The following OTUD7A variants were observed in gnomAD, a reference collection of about 807,000 sequenced individuals.
OTUD7A encodes the protein OTU deubiquitinase 7A.
In OTUD7A, 12 loss-of-function variants were observed where a neutral mutation model predicts 65.7. The observed-to-expected ratio is 0.18, with a 90% CI of 0.12 to 0.30. OTUD7A has a LOEUF of 0.30. OTUD7A is among the 10% of genes least tolerant of loss of function. The pLI, the probability that OTUD7A is intolerant of heterozygous loss-of-function variation, is 1.00. For missense variants in OTUD7A, 1,148 were observed against 1,304.8 expected (o/e 0.88, Z 1.85); for synonymous variants, 641 against 586.3 (o/e 1.09, Z -1.35).
intron 1 of OTUD7A, among the ~76,000 whole-genome samples, chr15:31,663,315 T>G (rs1158801348): frequency 6.6e-6 from 1 of 151,004 alleles, no homozygotes; most frequent in Non-Finnish European, 1.5e-5. Flanking sequence ...CCAGGATACA[T>G]GTGCAGGATG....
At chr15:31,606,137 T>G (rs1246209315) in intron 3 of OTUD7A, among the ~76,000 whole-genome samples, 1 of 152,252 alleles carries the variant, frequency 6.6e-6, no homozygotes, top group South Asian at 2.1e-4. Flanking sequence ...AGTTGCTCTT[T>G]GCTTGCAATT....
intron 1 of OTUD7A, among the ~76,000 whole-genome samples, chr15:31,832,335 G>A (rs973733072): frequency 6.6e-6 from 1 of 152,030 alleles, no homozygotes; most frequent in African/African-American, 2.4e-5. Context: ...GAGAGCACAG[G>A]CCCATCACAA....
At chr15:31,537,272 TTTGG>T (rs1320032991) in intron 5 of OTUD7A, among the ~76,000 whole-genome samples, 1 of 152,208 alleles carries the variant, frequency 6.6e-6, no homozygotes, top group African/African-American at 2.4e-5. Context: ...TTCAGCGCTT[TTTGG>T]TTAAGATTCA....
chr15:31,587,742 G>C (rs950953815), intron 3 of OTUD7A, among the ~76,000 whole-genome samples: 2 of 152,004 alleles, frequency 1.3e-5, no homozygotes, highest in Non-Finnish European at 2.9e-5. Context: ...CTTCCCCATG[G>C]CCTCCAGGCC....
intron 1 of OTUD7A, among the ~76,000 whole-genome samples, chr15:31,670,336 G>C (rs142690431): frequency 0.014 from 2,175 of 151,926 alleles, 22 homozygotes; most frequent in Non-Finnish European, 0.024. Flanking sequence ...TCTGGTTCTA[G>C]GTCTTTGAGG....
intron 1 of OTUD7A, among the ~76,000 whole-genome samples, chr15:31,771,291 C>T (rs562831433): frequency 1.3e-5 from 2 of 152,312 alleles, no homozygotes; most frequent in East Asian, 3.9e-4. Context: ...ATTGGACTAT[C>T]TATTTGTCAG....
At chr15:31,576,942 C>T (rs1477435620) in intron 3 of OTUD7A, among the ~76,000 whole-genome samples, 2 of 152,072 alleles carry the variant, frequency 1.3e-5, no homozygotes, top group African/African-American at 4.8e-5. Context: ...TACCGCCTTT[C>T]TTTTGGAGTT....
chr15:31,613,470 G>A (rs4584778), intron 3 of OTUD7A, among the ~76,000 whole-genome samples: 43,803 of 151,548 alleles, frequency 0.29, 7,440 homozygotes, highest in African/African-American at 0.47. Flanking sequence ...AAACAATCCC[G>A]TCAAAAAGTG....
intron 3 of OTUD7A, among the ~76,000 whole-genome samples, chr15:31,603,175 C>T (rs1257562297): frequency 6.6e-6 from 1 of 152,178 alleles, no homozygotes; most frequent in Non-Finnish European, 1.5e-5. Flanking sequence ...GGGCATCACG[C>T]TACCTGACTT....
At chr15:31,791,382 A>G (rs964448611) in intron 1 of OTUD7A, among the ~76,000 whole-genome samples, 3 of 152,166 alleles carry the variant, frequency 2.0e-5, no homozygotes, top group Non-Finnish European at 4.4e-5. Context: ...TTTGTTAAAT[A>G]TAAGAAGTGG....
At chr15:31,591,686 C>T (rs775885119) in intron 3 of OTUD7A, among the ~76,000 whole-genome samples, 1 of 152,230 alleles carries the variant, frequency 6.6e-6, no homozygotes, top group Non-Finnish European at 1.5e-5. Context: ...CTCTCCCCCA[C>T]TCTCTCTATA....
intron 1 of OTUD7A, among the ~76,000 whole-genome samples, chr15:31,712,088 T>C (rs570953763): frequency 6.6e-6 from 1 of 151,970 alleles, no homozygotes; most frequent in African/African-American, 2.4e-5. Flanking sequence ...CTTAGGGCGG[T>C]GCAGAGGGTC....
intron 8 of OTUD7A, among the ~76,000 whole-genome samples, chr15:31,514,606 T>A (rs1313430396): frequency 1.3e-5 from 2 of 152,266 alleles, no homozygotes; most frequent in African/African-American, 4.8e-5. Flanking sequence ...TTGTTCGTAT[T>A]CATTCTAAAG....
chr15:31,828,872 G>GCTTTACCCCA (rs1896862357), intron 1 of OTUD7A, among the ~76,000 whole-genome samples: 1 of 152,088 alleles, frequency 6.6e-6, no homozygotes, highest in African/African-American at 2.4e-5. Flanking sequence ...CCTAAGCCAG[G>GCTTTACCCCA]GGCCAGAAGA....
intron 1 of OTUD7A, among the ~76,000 whole-genome samples, chr15:31,725,133 C>T (rs753378843): frequency 4.0e-4 from 61 of 152,256 alleles, no homozygotes; most frequent in African/African-American, 1.2e-3. Context: ...GAGAAAGCTG[C>T]GAGCTTGCAA....
At chr15:31,555,737 G>C (rs1171197296) in intron 5 of OTUD7A, among the ~76,000 whole-genome samples, 1 of 152,150 alleles carries the variant, frequency 6.6e-6, no homozygotes, top group East Asian at 1.9e-4. Flanking sequence ...GAGTTCGGAG[G>C]AGTCAGATGG....
chr15:31,598,525 T>C (rs1259207242), intron 3 of OTUD7A, among the ~76,000 whole-genome samples: 2 of 152,140 alleles, frequency 1.3e-5, no homozygotes, highest in Non-Finnish European at 2.9e-5. Flanking sequence ...GGAGATTCCT[T>C]CCAGTGCCTA....
chr15:31,524,400 G>C (rs2041982107), intron 8 of OTUD7A, among the ~76,000 whole-genome samples: 2 of 152,070 alleles, frequency 1.3e-5, no homozygotes, highest in African/African-American at 4.8e-5. Flanking sequence ...GTGGGGTCTT[G>C]GAACAGTTAC....
At chr15:31,657,379 CAG>C (rs1892023336) in intron 1 of OTUD7A, among the ~76,000 whole-genome samples, 2 of 150,684 alleles carry the variant, frequency 1.3e-5, no homozygotes, top group African/African-American at 4.9e-5. Flanking sequence ...TTTTTTGAGA[CAG>C]AGTCTTGCTC....
Sources: gnomAD v4.1 joint callset for allele counts (sites outside exome capture counted in the v4.1 genomes callset) on GRCh38, gnomAD v4.1.1 for gene constraint, MANE v1.5 for transcripts, NCBI Gene and HGNC (gene_info 2026-07-23, HGNC 2026-07-21) for gene names.